The following GALR3 variants were observed in gnomAD, a reference collection of about 807,000 sequenced individuals.
GALR3 encodes the protein galanin receptor type 3.
A neutral mutation model predicts 6.9 loss-of-function variants in GALR3; 5 were observed. That is an observed-to-expected ratio of 0.72 (90% CI 0.38 to 1.52). The LOEUF is 1.52. Ranked by LOEUF, GALR3 falls within the 40% of genes most tolerant of loss-of-function variation. GALR3 has a pLI of 0.03. For missense variants in GALR3, 570 were observed against 545.6 expected (o/e 1.04, Z -0.44); for synonymous variants, 308 against 263.6 (o/e 1.17, Z -1.63).
At position 37,824,923 on chromosome 22, in the gene GALR3, C is replaced by T. The variant is rs866995157; in HGVS notation, c.560C>T (p.Ala187Val). 2.2e-6 allele frequency: 3 copies of T among 1,343,636 alleles called. No individual in the cohort carries two copies. The highest frequency in any genetic ancestry group is 5.7e-5 in the Admixed American group (2 of 35,376). The allele number at this position is 1,343,636 out of a possible 1,614,324, so 83.2% of individuals were successfully genotyped here. ...GCGCGCCGCCGCGCCCTGGACGTGG[C>T]CACCTTCGCTGCCGGCTACCTGCTG... ...EDARRRALDVATFAAGYLLPV... is the reference protein window; with the variant it reads ...EDARRRALDVVTFAAGYLLPV... Residue 187 changes from alanine to valine, a missense_variant, in exon 2 of 2, where the codon GCC becomes GTC. Coordinates refer to ENST00000249041, the MANE Select transcript of GALR3 (RefSeq NM_003614.2).
rs749003779 is a variant in GALR3, at chr22:37,825,242, C to A, written c.879C>A (p.Leu293=). The A allele has an allele frequency of 1.4e-6, 2 of 1,445,134 alleles. No homozygotes were observed. The highest frequency in any genetic ancestry group is 1.8e-6 in the Non-Finnish European group (2 of 1,091,346). 89.5% of individuals were successfully genotyped at this position (1,445,134 alleles called of 1,614,324 possible). A position where few individuals can be genotyped will look rare whatever the true frequency, so the allele number is the denominator to read the frequency against. Residue 293 remains leucine (L), a synonymous_variant, in exon 2 of 2, where the codon CTC becomes CTA. Transcript: ENST00000249041. ...NSCLNPLVYA[L]ASRHFRARFR... The stretch of plus-strand genomic sequence containing the variant: ...GCCTCAACCCGCTCGTCTACGCGCT[C>A]GCCTCGCGCCACTTCCGCGCGCGCT...
At chr22:37,824,056 G>T (rs1343019217) in intron 1 of GALR3, among the ~76,000 whole-genome samples, 1 of 152,124 alleles carries the variant, frequency 6.6e-6, no homozygotes, top group East Asian at 1.9e-4. Context: ...TGCTCTGTAA[G>T]CGCGAAATGA....
chr22:37,825,205 A>C lies in GALR3; in HGVS notation c.842A>C (p.Tyr281Ser). The change falls in exon 2 of 2, where the codon TAC becomes TCC. Residue 281 changes from tyrosine to serine, a missense_variant. Coordinates refer to ENST00000249041, the MANE Select transcript of GALR3 (RefSeq NM_003614.2). ...ACRLASHCLA[Y>S]ANSCLNPLVY... ...CGCCTGGCCTCACACTGCCTGGCCT[A>C]CGCCAACTCCTGCCTCAACCCGCTC... 6.7e-7 allele frequency: 1 copy of C among 1,482,552 alleles called. No individual in the cohort carries two copies. The highest frequency in any genetic ancestry group is 9.0e-7 in the Non-Finnish European group (1 of 1,111,888). The allele number at this position is 1,482,552 out of a possible 1,614,324, so 91.8% of individuals were successfully genotyped here.
In GALR3 at chr22:37,824,756, C is replaced by A. The variant is rs1403257279; in HGVS notation, c.393C>A (p.Arg131=). The change falls in exon 2 of 2, where the codon CGC becomes CGA. Residue 131 remains arginine (R), a synonymous_variant. Transcript: ENST00000249041. ...YLAVRHPLRS[R]ALRTPRNARA... Reference sequence around the variant, plus strand: ...CCGTGCGGCACCCGCTGCGCTCGCGCGCCCTGCGCACGCCGCGTAACGCCC... The same window carrying A: ...CCGTGCGGCACCCGCTGCGCTCGCGAGCCCTGCGCACGCCGCGTAACGCCC... 2 of 1,259,040 alleles carry A rather than the reference C, an allele frequency of 1.6e-6. No homozygotes were observed. The allele number at this position is 1,259,040 out of a possible 1,614,324, so 78.0% of individuals were successfully genotyped here.
Position 37,825,266 on chromosome 22 carries a change from C to A in GALR3, c.903C>A (p.Arg301=). 1 of 1,396,814 alleles carries A rather than the reference C, an allele frequency of 7.2e-7. No homozygotes were observed. Among genetic ancestry groups the A allele is most frequent in the Non-Finnish European group, 9.4e-7 (1 of 1,066,960 alleles). 86.5% of individuals were successfully genotyped at this position (1,396,814 alleles called of 1,614,324 possible). A position where few individuals can be genotyped will look rare whatever the true frequency, so the allele number is the denominator to read the frequency against. ...YALASRHFRA[R]FRRLWPCGRR... is the part of the protein sequence containing the mutation. ...TCGCCTCGCGCCACTTCCGCGCGCGCTTCCGCCGCCTGTGGCCGTGCGGCC... is the reference window on the plus strand; with the variant it reads ...TCGCCTCGCGCCACTTCCGCGCGCGATTCCGCCGCCTGTGGCCGTGCGGCC... The change falls in exon 2 of 2, where the codon CGC becomes CGA. Residue 301 remains arginine, a synonymous_variant. Coordinates refer to ENST00000249041, the MANE Select transcript of GALR3 (RefSeq NM_003614.2).
rs1403088578 is a variant in GALR3 at position 37,825,080 on chromosome 22, G to A, written c.717G>A (p.Ala239=). The A allele has an allele frequency of 8.5e-6, 10 of 1,173,498 alleles. No homozygotes were observed. Among genetic ancestry groups the A allele is most frequent in the Non-Finnish European group, 1.1e-5 (10 of 946,268 alleles). 72.7% of individuals were successfully genotyped at this position (1,173,498 alleles called of 1,614,324 possible). A position where few individuals can be genotyped will look rare whatever the true frequency, so the allele number is the denominator to read the frequency against. Residue 239 remains alanine, a synonymous_variant, in exon 2 of 2, where the codon GCG becomes GCA. Coordinates refer to ENST00000249041, the MANE Select transcript of GALR3 (RefSeq NM_003614.2). ...GCCGCGCGGGGCGCGCCATGCTGGCGGTGGCCGCGCTCTACGCGCTCTGCT... is the reference window on the plus strand; with the variant it reads ...GCCGCGCGGGGCGCGCCATGCTGGCAGTGGCCGCGCTCTACGCGCTCTGCT... ...ATGRAGRAML[A]VAALYALCWG...
In GALR3 at chr22:37,825,200, G is replaced by A. The variant is rs748800299; in HGVS notation, c.837G>A (p.Leu279=). ...TYACRLASHC[L]AYANSCLNPL... is the part of the protein sequence containing the mutation. ...CCTGCCGCCTGGCCTCACACTGCCT[G>A]GCCTACGCCAACTCCTGCCTCAACC... Residue 279 remains leucine, a synonymous_variant, in exon 2 of 2, where the codon CTG becomes CTA. Coordinates refer to ENST00000249041, the MANE Select transcript of GALR3 (RefSeq NM_003614.2). 357 of 1,485,542 alleles carry A rather than the reference G, an allele frequency of 2.4e-4. 3 individuals are homozygous for A. In the Middle Eastern group the frequency reaches 4.9e-3, roughly 20 times the overall value. The allele number at this position is 1,485,542 out of a possible 1,614,324, so 92.0% of individuals were successfully genotyped here.
At position 37,823,686 on chromosome 22, in the gene GALR3, G is replaced by C. The variant is rs758096071; in HGVS notation, c.280G>C (p.Val94Leu). Residue 94 changes from valine to leucine, a missense_variant, in exon 1 of 2, where the codon GTC (valine) becomes CTC (leucine). Transcript: ENST00000249041. ...GGATGCCTGGCTCTTTGGGGCCCTC[G>C]TCTGCAAGGCCGTGCACCTGCTCAT... ...TLDAWLFGAL[V>L]CKAVHLLIYL... is the part of the protein sequence containing the mutation. 3.7e-6 allele frequency: 6 copies of C among 1,613,658 alleles called. No individual in the cohort carries two copies. Among genetic ancestry groups the C allele is most frequent in the Non-Finnish European group, 5.1e-6 (6 of 1,179,934 alleles).
chr22:37,825,469 A>G lies in GALR3; in HGVS notation c.1106A>G (p.Ter369=), dbSNP rs960277059. Residue 369 remains the stop codon, a stop_retained_variant, in exon 2 of 2, where the codon TAA becomes TGA. Coordinates refer to ENST00000249041, the MANE Select transcript of GALR3 (RefSeq NM_003614.2). ...HGGEAARGPE[*] ...GGAGAGGCTGCCCGAGGACCGGAAT[A>G]AACCCTGCCGCCTGGACTCCGCCTG... 3 of 1,340,220 alleles carry G rather than the reference A, an allele frequency of 2.2e-6. No homozygotes were observed. Among genetic ancestry groups the G allele is most frequent in the South Asian group, 1.8e-5 (1 of 55,682 alleles). 83.0% of individuals were successfully genotyped at this position (1,340,220 alleles called of 1,614,324 possible).
chr22:37,823,812 G>GT, intron 1 of GALR3, 47 bp downstream of exon 1: 2 of 920,260 alleles, frequency 2.2e-6, no homozygotes, highest in Non-Finnish European at 3.4e-6. Context: ...GGGGGCGGGG[G>GT]TTGGGGGAGG....
chr22:37,823,973 C>T (rs951891601), intron 1 of GALR3, among the ~76,000 whole-genome samples: 7 of 152,168 alleles, frequency 4.6e-5, no homozygotes, highest in African/African-American at 1.4e-4. Context: ...CTGCCCTTCC[C>T]CTCCTCCACT....
At position 37,824,748 on chromosome 22, in the gene GALR3, C is replaced by G. The variant is rs1389165239; in HGVS notation, c.385C>G (p.Arg129Gly). The change falls in exon 2 of 2, where the codon CGC (arginine) becomes GGC (glycine). Residue 129 changes from arginine to glycine, a missense_variant. Coordinates refer to ENST00000249041, the MANE Select transcript of GALR3 (RefSeq NM_003614.2). The part of the protein sequence containing the change: ...DRYLAVRHPL[R>G]SRALRTPRNA... Reference sequence around the variant, plus strand: ...GTACCTGGCCGTGCGGCACCCGCTGCGCTCGCGCGCCCTGCGCACGCCGCG... The same window carrying G: ...GTACCTGGCCGTGCGGCACCCGCTGGGCTCGCGCGCCCTGCGCACGCCGCG... 2 of 1,242,288 alleles carry G rather than the reference C, an allele frequency of 1.6e-6. No individual in the cohort carries two copies. Among genetic ancestry groups the G allele is most frequent in the Non-Finnish European group, 2.0e-6 (2 of 993,454 alleles). 77.0% of individuals were successfully genotyped at this position (1,242,288 alleles called of 1,614,324 possible). A position where few individuals can be genotyped will look rare whatever the true frequency, so the allele number is the denominator to read the frequency against.
rs367594070 is a variant in GALR3 at position 37,824,800 on chromosome 22, T to C, written c.437T>C (p.Val146Ala). The change falls in exon 2 of 2, where the codon GTG becomes GCG. Residue 146 changes from valine (V) to alanine (A), a missense_variant. By Grantham distance (64) the Val-to-Ala change is moderately conservative. Transcript: ENST00000249041. ...AACGCCCGCGCCGCAGTGGGGCTGG[T>C]GTGGCTGCTGGCGGCGCTCTTCTCG... ...PRNARAAVGL[V>A]WLLAALFSAP... 21 of 1,370,442 alleles carry C rather than the reference T, an allele frequency of 1.5e-5. No homozygotes were observed. The highest frequency in any genetic ancestry group is 1.7e-5 in the Non-Finnish European group (18 of 1,056,832). The allele number at this position is 1,370,442 out of a possible 1,614,324, so 84.9% of individuals were successfully genotyped here.
Position 37,823,482 on chromosome 22 carries a change from C to T in GALR3, c.76C>T (p.Leu26=). ...CGTGGCAGTGCCTGTGGTCTTTGCC[C>T]TAATCTTCCTGCTGGGCACAGTGGG... ...GAVAVPVVFA[L]IFLLGTVGNG... is the part of the protein sequence containing the mutation. The change falls in exon 1 of 2, where the codon CTA becomes TTA. Residue 26 remains leucine, a synonymous_variant. Coordinates refer to ENST00000249041, the MANE Select transcript of GALR3 (RefSeq NM_003614.2). The T allele has an allele frequency of 1.2e-6, 2 of 1,612,816 alleles. No homozygotes were observed. The highest frequency in any genetic ancestry group is 2.2e-5 in the East Asian group (1 of 44,758).
At chr22:37,823,962 C>G (rs1032589989) in intron 1 of GALR3, among the ~76,000 whole-genome samples, 197 bp downstream of exon 1, 1 of 152,170 alleles carries the variant, frequency 6.6e-6, no homozygotes, top group Non-Finnish European at 1.5e-5. Context: ...AGGGGACTGT[C>G]CTGCCCTTCC....
chr22:37,825,200 G>T lies in GALR3; in HGVS notation c.837G>T (p.Leu279=). Residue 279 remains leucine, a synonymous_variant, in exon 2 of 2, where the codon CTG becomes CTT. Transcript: ENST00000249041. ...CCTGCCGCCTGGCCTCACACTGCCT[G>T]GCCTACGCCAACTCCTGCCTCAACC... ...TYACRLASHC[L]AYANSCLNPL... 6.7e-7 allele frequency: 1 copy of T among 1,485,548 alleles called. No individual in the cohort carries two copies. Among genetic ancestry groups the T allele is most frequent in the East Asian group, 2.9e-5 (1 of 35,070 alleles). The allele number at this position is 1,485,548 out of a possible 1,614,324, so 92.0% of individuals were successfully genotyped here.
At position 37,825,244 on chromosome 22, in the gene GALR3, C is replaced by A; in HGVS notation, c.881C>A (p.Ala294Asp). The A allele has an allele frequency of 6.9e-7, 1 of 1,444,448 alleles. No individual in the cohort carries two copies. Among genetic ancestry groups the A allele is most frequent in the South Asian group, 1.3e-5 (1 of 75,734 alleles). The allele number at this position is 1,444,448 out of a possible 1,614,324, so 89.5% of individuals were successfully genotyped here. ...SCLNPLVYAL[A>D]SRHFRARFRR... ...CTCAACCCGCTCGTCTACGCGCTCG[C>A]CTCGCGCCACTTCCGCGCGCGCTTC... The change falls in exon 2 of 2, where the codon GCC becomes GAC. Residue 294 changes from alanine (A) to aspartate (D), a missense_variant. Transcript: ENST00000249041.
At position 37,824,997 on chromosome 22, in the gene GALR3, T is replaced by C. The variant is rs1922560207; in HGVS notation, c.634T>C (p.Trp212Arg). ...LAYGRTLRFL[W>R]AAVGPAGAAA... ...CTACGGGCGCACGCTGCGCTTCCTGTGGGCCGCCGTGGGTCCCGCGGGCGC... is the reference window on the plus strand; with the variant it reads ...CTACGGGCGCACGCTGCGCTTCCTGCGGGCCGCCGTGGGTCCCGCGGGCGC... The change falls in exon 2 of 2, where the codon TGG (tryptophan) becomes CGG (arginine). Residue 212 changes from tryptophan to arginine, a missense_variant. Physicochemically the swap from Trp to Arg is moderately radical, Grantham distance 101. Coordinates refer to ENST00000249041, the MANE Select transcript of GALR3 (RefSeq NM_003614.2). The C allele has an allele frequency of 8.4e-7, 1 of 1,195,266 alleles. No individual in the cohort carries two copies. Among genetic ancestry groups the C allele is most frequent in the Non-Finnish European group, 1.0e-6 (1 of 963,256 alleles). The allele number at this position is 1,195,266 out of a possible 1,614,324, so 74.0% of individuals were successfully genotyped here. A position where few individuals can be genotyped will look rare whatever the true frequency, so the allele number is the denominator to read the frequency against.
Position 37,825,223 on chromosome 22 carries a change from A to C in GALR3, c.860A>C (p.Asn287Thr). The C allele has an allele frequency of 6.8e-7, 1 of 1,467,350 alleles. No individual in the cohort carries two copies. 90.9% of individuals were successfully genotyped at this position (1,467,350 alleles called of 1,614,324 possible). A position where few individuals can be genotyped will look rare whatever the true frequency, so the allele number is the denominator to read the frequency against. The change falls in exon 2 of 2, where the codon AAC (asparagine) becomes ACC (threonine). Residue 287 changes from asparagine to threonine, a missense_variant. By Grantham distance (65) the Asn-to-Thr change is moderately conservative (BLOSUM62 0). Transcript: ENST00000249041. ...CTGGCCTACGCCAACTCCTGCCTCA[A>C]CCCGCTCGTCTACGCGCTCGCCTCG... ...HCLAYANSCL[N>T]PLVYALASRH...
Sources: gnomAD v4.1 joint callset for allele counts (sites outside exome capture counted in the v4.1 genomes callset) on GRCh38, gnomAD v4.1.1 for gene constraint, MANE v1.5 for transcripts, NCBI Gene and HGNC (gene_info 2026-07-23, HGNC 2026-07-21) for gene names.